Variants in ALK observed in about 807,000 individuals in gnomAD.
The protein encoded by ALK is ALK tyrosine kinase receptor.
In ALK, 74 loss-of-function variants were observed where a neutral mutation model predicts 163.1. The observed-to-expected ratio is 0.45, with a 90% CI of 0.38 to 0.55. The LOEUF (loss-of-function observed/expected upper bound fraction) is 0.55, where lower values mean the gene tolerates loss of function less well. Ranked by LOEUF, ALK falls within the 20% of genes least tolerant of loss-of-function variation. The pLI is 0.00. For synonymous variants in ALK, 960 were observed against 843.2 expected (o/e 1.14, Z -2.40); for missense variants, 2,063 against 2,105.3 (o/e 0.98, Z 0.39).
intron 1 of ALK, among the ~76,000 whole-genome samples, chr2:29,768,982 C>T (rs893631481): frequency 2.6e-5 from 4 of 152,036 alleles, no homozygotes; most frequent in Admixed American, 2.6e-4. Context: ...TACAGGTGCA[C>T]ACCACCATGC....
chr2:29,474,036 C>A (rs774334232), intron 4 of ALK, among the ~76,000 whole-genome samples: 12 of 152,160 alleles, frequency 7.9e-5, no homozygotes, highest in Non-Finnish European at 1.3e-4. Flanking sequence ...TCTTCTAAAG[C>A]TGACTAGACA....
At chr2:29,861,382 C>G (rs1666287013) in intron 1 of ALK, among the ~76,000 whole-genome samples, 1 of 151,826 alleles carries the variant, frequency 6.6e-6, no homozygotes, top group Admixed American at 6.6e-5. Flanking sequence ...AAAAGGTAAA[C>G]AGAATCAACA....
chr2:29,333,589 T>C (rs1023433072), intron 5 of ALK, among the ~76,000 whole-genome samples: 2 of 152,260 alleles, frequency 1.3e-5, no homozygotes, highest in African/African-American at 4.8e-5. Flanking sequence ...TATGTATATT[T>C]TCATTCTGTT....
At chr2:29,441,853 T>TGCCC (rs1195842588) in intron 4 of ALK, among the ~76,000 whole-genome samples, 19 of 152,184 alleles carry the variant, frequency 1.2e-4, no homozygotes, top group Non-Finnish European at 1.5e-5. Flanking sequence ...AGCCCAGGAA[T>TGCCC]GCCCCTCTGC....
intron 1 of ALK, among the ~76,000 whole-genome samples, chr2:29,858,855 A>G (rs1268617255): frequency 6.6e-6 from 1 of 152,130 alleles, no homozygotes; most frequent in African/African-American, 2.4e-5. Context: ...CCTGGCCAAC[A>G]TGGTGAAACC....
At chr2:29,879,567 C>T in intron 1 of ALK, among the ~76,000 whole-genome samples, 1 of 152,192 alleles carries the variant, frequency 6.6e-6, no homozygotes, top group Non-Finnish European at 1.5e-5. Flanking sequence ...CCACTCATGT[C>T]CTAGGAGACT....
intron 1 of ALK, among the ~76,000 whole-genome samples, chr2:29,725,747 C>G (rs1368618002): frequency 6.6e-6 from 1 of 151,904 alleles, no homozygotes; most frequent in African/African-American, 2.4e-5. Context: ...AGGGGCAGAT[C>G]AAGACATGGA....
rs528156057 is a variant in ALK, at chr2:29,635,995, T to C, written c.952+58855A>G. On this transcript the variant is annotated intron_variant, in intron 3 of 28. Coordinates refer to ENST00000389048, the MANE Select transcript of ALK (RefSeq NM_004304.5). The stretch of plus-strand genomic sequence containing the variant: ...TGTTACAGCGGCCACACGAAACTAA[T>C]ACAAGGTTTAGCACAATTCCTATCA... Among the ~76,000 whole-genome samples, 129 of 152,248 alleles carry C rather than the reference T, an allele frequency of 8.5e-4. 1 individual carries two copies. Among genetic ancestry groups the C allele is most frequent in the African/African-American group, 2.9e-3 (120 of 41,536 alleles).
intron 1 of ALK, among the ~76,000 whole-genome samples, chr2:29,912,595 G>C (rs932120734): frequency 6.6e-6 from 1 of 152,038 alleles, no homozygotes; most frequent in African/African-American, 2.4e-5. Context: ...TTGAGGAAAA[G>C]GGAAGAGCAA....
chr2:29,629,457 T>A (rs1676294553), intron 3 of ALK, among the ~76,000 whole-genome samples: 1 of 152,204 alleles, frequency 6.6e-6, no homozygotes, highest in South Asian at 2.1e-4. Context: ...TTTCTTGAGA[T>A]GGAATATAGA....
At chr2:29,808,582 A>G (rs1664675493) in intron 1 of ALK, among the ~76,000 whole-genome samples, 1 of 152,198 alleles carries the variant, frequency 6.6e-6, no homozygotes, top group African/African-American at 2.4e-5. Context: ...TCAGATGGAA[A>G]AACAGACAAG....
intron 4 of ALK, among the ~76,000 whole-genome samples, chr2:29,522,853 G>A (rs1180756404): frequency 6.6e-6 from 1 of 152,138 alleles, no homozygotes; most frequent in Non-Finnish European, 1.5e-5. Context: ...TGTCCATATA[G>A]GTACTTGGAG....
At position 29,226,941 on chromosome 2, in the gene ALK, C is replaced by G. The variant is rs2148178324; in HGVS notation, c.3048G>C (p.Glu1016Asp). 1 of 1,614,204 alleles carries G rather than the reference C, an allele frequency of 6.2e-7. No homozygotes were observed. Among genetic ancestry groups the G allele is most frequent in the South Asian group, 1.1e-5 (1 of 91,082 alleles). Reference sequence around the variant, plus strand: ...CCTTACCAATGCAGGAGACGCCATCCTCAGCCAGCACCGTCCCGTGGTCAC... The same window carrying G: ...CCTTACCAATGCAGGAGACGCCATCGTCAGCCAGCACCGTCCCGTGGTCAC... ...CFCDHGTVLA[E>D]DGVSCIVSPT... Residue 1016 changes from glutamate to aspartate, a missense_variant, in exon 18 of 29, where the codon GAG becomes GAC. By Grantham distance (45) the Glu-to-Asp change is conservative. Transcript: ENST00000389048.
chr2:29,214,139 T>C, intron 23 of ALK, 58 bp from the exon 24 acceptor site: 1 of 1,458,310 alleles, frequency 6.9e-7, no homozygotes, highest in South Asian at 1.2e-5. Flanking sequence ...AGGAGGGAAA[T>C]CTGAAATGCT....
In ALK at chr2:29,600,363, G is replaced by A. The variant is rs557290060; in HGVS notation, c.953-68247C>T. Among the ~76,000 whole-genome samples, 5 of 152,296 alleles carry A rather than the reference G, an allele frequency of 3.3e-5. No homozygotes were observed. In the South Asian group the frequency reaches 1.0e-3, roughly 32 times the overall value. ...ATCTTTACTCAAAGAGATAAAGGAC[G>A]TAATAACATCCATGGAAAAGAATAG... On this transcript the variant is annotated intron_variant, in intron 3 of 28. Transcript: ENST00000389048.
chr2:29,312,112 GGGCAGGGCAGA>G (rs954728523), intron 8 of ALK, among the ~76,000 whole-genome samples: 22 of 152,158 alleles, frequency 1.4e-4, no homozygotes, highest in Admixed American at 1.3e-3. Flanking sequence ...AGGCTACCCA[GGGCAGGGCAGA>G]GGCCAAACCC....
intron 20 of ALK, among the ~76,000 whole-genome samples, chr2:29,222,940 C>T (rs972932682): frequency 6.6e-6 from 1 of 152,118 alleles, no homozygotes; most frequent in Non-Finnish European, 1.5e-5. Flanking sequence ...GGTTCATGCT[C>T]CTTGGGGAGA....
chr2:29,580,692 A>G lies in ALK; in HGVS notation c.953-48576T>C, dbSNP rs561523971. The stretch of plus-strand genomic sequence containing the variant: ...GTGATTTCTAAATTACGCTAAACAG[A>G]TGTGGAGCGGAAAATTGCCATCCAG... On this transcript the variant is annotated intron_variant, in intron 3 of 28. Transcript: ENST00000389048. 3.3e-5 allele frequency among the ~76,000 whole-genome samples: 5 copies of G among 152,324 alleles called. No homozygotes were observed. In the East Asian group the frequency reaches 9.7e-4, roughly 29 times the overall value.
intron 1 of ALK, among the ~76,000 whole-genome samples, chr2:29,879,618 G>C (rs994923604): frequency 6.6e-6 from 1 of 152,184 alleles, no homozygotes; most frequent in African/African-American, 2.4e-5. Flanking sequence ...TCACGTTTAA[G>C]ATAATGGTTC....
Sources: gnomAD v4.1 joint callset for allele counts (sites outside exome capture counted in the v4.1 genomes callset) on GRCh38, gnomAD v4.1.1 for gene constraint, MANE v1.5 for transcripts, NCBI Gene and HGNC (gene_info 2026-07-23, HGNC 2026-07-21) for gene names.